Variants in MDN1 observed in about 807,000 individuals in gnomAD.
MDN1 encodes midasin AAA ATPase 1.
A neutral mutation model predicts 669.2 loss-of-function variants in MDN1; 266 were observed. That is an observed-to-expected ratio of 0.40 (90% CI 0.36 to 0.44). The LOEUF (loss-of-function observed/expected upper bound fraction) is 0.44, where lower values mean the gene tolerates loss of function less well. Among genes scored for constraint, MDN1 ranks in the 20% least tolerant of loss-of-function variants. The pLI is 1.00. For synonymous variants in MDN1, 2,385 were observed against 2,457.1 expected, an observed-to-expected ratio of 0.97 and a Z score of 0.87; for missense variants, 5,940 against 6,754.0, an observed-to-expected ratio of 0.88 and a Z score of 4.22.
Position 89,728,792 on chromosome 6 carries a change from C to CA in MDN1, c.5349+138dup, listed in dbSNP as rs1409200283. The CA allele has an allele frequency of 3.1e-5, 29 of 930,594 alleles. No homozygotes were observed. The East Asian group carries it at 4.2e-4, about 14-fold the overall frequency. 57.6% of individuals were successfully genotyped at this position (930,594 alleles called of 1,614,324 possible). On this transcript the variant is annotated intron_variant, in intron 36 of 101. Coordinates refer to ENST00000369393, the MANE Select transcript of MDN1 (RefSeq NM_014611.3). ...TGGGCAACAGAACGAGACTCTGTCT[C>CA]AAAAAAACAAAGAAAAGAAAAGAAA...
chr6:89,656,349 T>C (rs536998543), intron 91 of MDN1, among the ~76,000 whole-genome samples: 1 of 152,186 alleles, frequency 6.6e-6, no homozygotes, highest in Non-Finnish European at 1.5e-5. Context: ...CGTGCATAAA[T>C]TATACCCTAC....
At chr6:89,649,925 A>T in intron 97 of MDN1, 99 bp downstream of exon 97, 1 of 1,225,946 alleles carries the variant, frequency 8.2e-7, no homozygotes, top group Non-Finnish European at 1.2e-6. Flanking sequence ...ATCATATTTA[A>T]AGCATTAGCC....
intron 91 of MDN1, 59 bp downstream of exon 91, chr6:89,656,641 T>C: frequency 1.6e-6 from 2 of 1,275,836 alleles, no homozygotes; most frequent in Admixed American, 2.2e-5. Flanking sequence ...GCACTACGTT[T>C]GGAACATCTT....
chr6:89,684,837 T>G, intron 71 of MDN1, 39 bp downstream of exon 71: 2 of 1,316,408 alleles, frequency 1.5e-6, no homozygotes, highest in Non-Finnish European at 2.2e-6. Context: ...TTGCTGATTT[T>G]GTCCTCCCAA....
chr6:89,691,954 C>T lies in MDN1; in HGVS notation c.10587+489G>A, dbSNP rs536356797. Among the ~76,000 whole-genome samples, 23 of 152,192 alleles carry T rather than the reference C, an allele frequency of 1.5e-4. No homozygotes were observed. The South Asian group carries it at 4.4e-3, about 29-fold the overall frequency. On this transcript the variant is annotated intron_variant, in intron 63 of 101. Coordinates refer to ENST00000369393, the MANE Select transcript of MDN1 (RefSeq NM_014611.3). ...AAATTTTTAATAATTTAGAGTGTCA[C>T]AGACATACAGCTACAGATAAATATT...
rs1181658573 is a variant in MDN1 at position 89,740,284 on chromosome 6, AT to A, written c.4542del (p.Lys1514AsnfsTer5). On this transcript the variant is annotated frameshift_variant, in exon 32 of 102. Coordinates refer to ENST00000369393, the MANE Select transcript of MDN1 (RefSeq NM_014611.3). LOFTEE classifies it high-confidence loss of function. The stretch of plus-strand genomic sequence containing the variant: ...GGGTTCATGGTTGCTAGAATACGAA[AT>A]TTTTTCCCAGCAGTCAACAGCTCTA... ...SEIELLTAGK[K>X]FRILATMNPG... 4 of 1,611,636 alleles carry A rather than the reference AT, an allele frequency of 2.5e-6. No homozygotes were observed. Among genetic ancestry groups the A allele is most frequent in the Non-Finnish European group, 3.4e-6 (4 of 1,179,344 alleles).
At chr6:89,721,317 T>C (rs1270578045) in intron 40 of MDN1, among the ~76,000 whole-genome samples, 1 of 152,152 alleles carries the variant, frequency 6.6e-6, no homozygotes, top group East Asian at 1.9e-4. Context: ...ACTCAAGCCA[T>C]TGGCACACAG....
In MDN1 at chr6:89,700,153, C is replaced by T; in HGVS notation, c.8780G>A (p.Ser2927Asn). ...CTCCATTGCAGGCCACAACTGAACA[C>T]TCCTGGTGAGGTGGATTACGGAGGT... ...DLTSVIHLTRSVQLWPAMEYL... is the reference protein window; with the variant it reads ...DLTSVIHLTRNVQLWPAMEYL... The change falls in exon 57 of 102, where the codon AGT (serine) becomes AAT (asparagine). Residue 2927 changes from serine (S) to asparagine (N), a missense_variant. Physicochemically the swap from Ser to Asn is conservative, Grantham distance 46. Around this residue, in one of 5 missense-constraint regions of MDN1, gnomAD observed 2,292 missense variants for 2,638.3 expected, o/e 0.87. Coordinates refer to ENST00000369393, the MANE Select transcript of MDN1 (RefSeq NM_014611.3). 1 of 1,614,180 alleles carries T rather than the reference C, an allele frequency of 6.2e-7. No homozygotes were observed. Among genetic ancestry groups the T allele is most frequent in the Non-Finnish European group, 8.5e-7 (1 of 1,180,026 alleles).
At chr6:89,729,789 T>TAG (rs1412596907) in intron 35 of MDN1, among the ~76,000 whole-genome samples, 2 of 143,478 alleles carry the variant, frequency 1.4e-5, no homozygotes, top group African/African-American at 5.1e-5. Context: ...TCTAGGCCAC[T>TAG]AGCATGTATC....
At position 89,658,854 on chromosome 6, in the gene MDN1, C is replaced by T. The variant is rs199716281; in HGVS notation, c.14777G>A (p.Gly4926Glu). The T allele has an allele frequency of 1.2e-4, 196 of 1,614,102 alleles. 1 individual carries two copies. The highest frequency in any genetic ancestry group is 1.7e-4 in the Admixed American group (10 of 60,012). The change falls in exon 89 of 102, where the codon GGA becomes GAA. Residue 4926 changes from glycine (G) to glutamate (E), a missense_variant. Around this residue, in one of 5 missense-constraint regions of MDN1, gnomAD observed 2,280 missense variants for 2,576.3 expected, o/e 0.88. Coordinates refer to ENST00000369393, the MANE Select transcript of MDN1 (RefSeq NM_014611.3). The part of the protein sequence containing the change: ...EEAGHEAEER[G>E]ETETDQNESQ... ...TTCGTTCTGGTCGGTCTCGGTCTCT[C>T]CTCTTTCCTCAGCTTCATGACCTGC... is the stretch of plus-strand genomic sequence containing the variant.
At chr6:89,801,736 A>G (rs959750487) in intron 2 of MDN1, among the ~76,000 whole-genome samples, 1 of 151,824 alleles carries the variant, frequency 6.6e-6, no homozygotes, top group Non-Finnish European at 1.5e-5. Context: ...AGAGGCTGCA[A>G]TGAGCCAAGA....
chr6:89,663,511 C>A, intron 85 of MDN1, among the ~76,000 whole-genome samples: 1 of 152,196 alleles, frequency 6.6e-6, no homozygotes, highest in East Asian at 1.9e-4. Flanking sequence ...ATACAGTTAT[C>A]TCCAATTGGA....
At chr6:89,732,875 C>A in intron 33 of MDN1, 100 bp from the exon 34 acceptor site, 1 of 988,038 alleles carries the variant, frequency 1.0e-6, no homozygotes, top group Non-Finnish European at 1.5e-6. Flanking sequence ...GGGGTCTCTG[C>A]TCCTTCTAAG....
At position 89,692,794 on chromosome 6, in the gene MDN1, C is replaced by A; in HGVS notation, c.10236G>T (p.Arg3412Ser). Reference protein sequence around the residue: ...ASILQLQHGMRLVASELHTSL... With the variant: ...ASILQLQHGMSLVASELHTSL... ...AGGTGTGGAGCTCAGAGGCCACCAGCCTCATGCCATGTTGTAACTGCAATA... is the reference window on the plus strand; with the variant it reads ...AGGTGTGGAGCTCAGAGGCCACCAGACTCATGCCATGTTGTAACTGCAATA... Residue 3412 changes from arginine to serine, a missense_variant, in exon 63 of 102, where the codon AGG becomes AGT. Arg to Ser is a moderately radical substitution (Grantham distance 110). Coordinates refer to ENST00000369393, the MANE Select transcript of MDN1 (RefSeq NM_014611.3). 4 of 1,614,140 alleles carry A rather than the reference C, an allele frequency of 2.5e-6. No homozygotes were observed. The highest frequency in any genetic ancestry group is 3.4e-6 in the Non-Finnish European group (4 of 1,180,012).
chr6:89,773,901 GTTT>G (rs1818229122), intron 13 of MDN1, among the ~76,000 whole-genome samples: 1 of 151,964 alleles, frequency 6.6e-6, no homozygotes, highest in African/African-American at 2.4e-5. Flanking sequence ...GCAGCTGGAG[GTTT>G]CTGTGGACCA....
At chr6:89,690,521 G>T in intron 64 of MDN1, 152 bp downstream of exon 64, 1 of 969,096 alleles carries the variant, frequency 1.0e-6, no homozygotes, top group Non-Finnish European at 1.5e-6. Context: ...TTGCGCCACT[G>T]CACTCCAGCC....
intron 1 of MDN1, among the ~76,000 whole-genome samples, chr6:89,804,828 G>C (rs959914076): frequency 3.9e-5 from 6 of 151,918 alleles, no homozygotes; most frequent in African/African-American, 1.2e-4. Context: ...TCAGGAGATC[G>C]AGACCATCCT....
intron 33 of MDN1, among the ~76,000 whole-genome samples, chr6:89,735,976 C>T (rs1235142201): frequency 1.3e-5 from 2 of 152,152 alleles, no homozygotes; most frequent in Non-Finnish European, 2.9e-5. Context: ...GCCAAGATTG[C>T]ACCATAGCAA....
At chr6:89,725,028 G>A (rs1815125492) in intron 38 of MDN1, among the ~76,000 whole-genome samples, 171 bp downstream of exon 38, 1 of 152,150 alleles carries the variant, frequency 6.6e-6, no homozygotes, top group Non-Finnish European at 1.5e-5. Flanking sequence ...ATGAAGGACA[G>A]AAGCAATGAT....
Sources: gnomAD v4.1 joint callset for allele counts (sites outside exome capture counted in the v4.1 genomes callset) on GRCh38, gnomAD v4.1.1 for gene constraint, gnomAD v4.1.1 regional missense constraint, MANE v1.5 for transcripts, NCBI Gene and HGNC (gene_info 2026-07-23, HGNC 2026-07-21) for gene names.